Variants in SYT1 observed in about 807,000 individuals in gnomAD.
SYT1 encodes synaptotagmin-1.
In SYT1, 8 loss-of-function variants were observed where a neutral mutation model predicts 44.8. The ratio of observed to expected loss-of-function variants is 0.18; its 90% CI spans 0.10 to 0.32. SYT1 has a LOEUF of 0.32. Among genes scored for constraint, SYT1 ranks in the 10% least tolerant of loss-of-function variants. SYT1 has a pLI of 1.00. For synonymous variants in SYT1, 154 were observed against 188.8 expected (o/e 0.82, Z 1.51); for missense variants, 286 against 509.3 (o/e 0.56, Z 4.22).
chr12:78,998,773 A>G (rs922767156), intron 2 of SYT1, among the ~76,000 whole-genome samples: 8 of 152,122 alleles, frequency 5.3e-5, no homozygotes, highest in African/African-American at 1.9e-4. Flanking sequence ...TCCTCATGGG[A>G]TCATTCTTAA....
chr12:79,405,626 C>G (rs938842969), intron 9 of SYT1, among the ~76,000 whole-genome samples: 1 of 152,138 alleles, frequency 6.6e-6, no homozygotes, highest in Non-Finnish European at 1.5e-5. Context: ...CAGTTAAGAA[C>G]ACATTGGGCT....
chr12:79,066,254 C>T (rs1359047834), intron 3 of SYT1, among the ~76,000 whole-genome samples: 2 of 152,068 alleles, frequency 1.3e-5, no homozygotes, highest in East Asian at 3.9e-4. Flanking sequence ...GGGTAAACAC[C>T]ACATAGGATA....
Position 79,349,045 on chromosome 12 carries a change from G to GAA in SYT1, c.811-4455_811-4454dup, listed in dbSNP as rs1555219975. Among the ~76,000 whole-genome samples the GAA allele has an allele frequency of 2.3e-3, 263 of 115,828 alleles. 1 individual carries two copies. The highest frequency in any genetic ancestry group is 7.4e-3 in the African/African-American group (223 of 30,202). The allele number at this position is 115,828 out of a possible 152,430, so 76.0% of individuals were successfully genotyped here. A position where few individuals can be genotyped will look rare whatever the true frequency, so the allele number is the denominator to read the frequency against. ...AAAGAAAGAAAGAAAAAGAAAGAAA[G>GAA]AAAGAAAGAAAGGAGGGAGGGAGGG... On this transcript the variant is annotated intron_variant, in intron 8 of 10. Coordinates refer to ENST00000261205, the MANE Select transcript of SYT1 (RefSeq NM_005639.3).
At chr12:78,947,256 T>C (rs1188968768) in intron 1 of SYT1, among the ~76,000 whole-genome samples, 2 of 152,156 alleles carry the variant, frequency 1.3e-5, no homozygotes, top group East Asian at 1.9e-4. Flanking sequence ...TTGGCAAATA[T>C]ACCAAATGAT....
At chr12:79,061,184 C>T (rs1875356260) in intron 3 of SYT1, among the ~76,000 whole-genome samples, 1 of 152,052 alleles carries the variant, frequency 6.6e-6, no homozygotes, top group Non-Finnish European at 1.5e-5. Flanking sequence ...TATTCTTGTT[C>T]AAGAATTGGT....
At chr12:79,431,494 G>GTTTAT (rs1267716137) in intron 9 of SYT1, among the ~76,000 whole-genome samples, 29 of 148,606 alleles carry the variant, frequency 2.0e-4, no homozygotes, top group African/African-American at 6.9e-4. Flanking sequence ...TAAAGCCATA[G>GTTTAT]TTTATTTTAT....
intron 1 of SYT1, among the ~76,000 whole-genome samples, chr12:78,883,058 CTTA>C (rs1452978144): frequency 6.6e-6 from 1 of 151,508 alleles, no homozygotes; most frequent in Non-Finnish European, 1.5e-5. Flanking sequence ...AAAAAAATAT[CTTA>C]TTACTTGATT....
At chr12:78,870,176 GACA>G (rs1873745609) in intron 1 of SYT1, among the ~76,000 whole-genome samples, 1 of 151,946 alleles carries the variant, frequency 6.6e-6, no homozygotes, top group African/African-American at 2.4e-5. Context: ...AGCCCTGTTG[GACA>G]ACATTTCATC....
intron 1 of SYT1, among the ~76,000 whole-genome samples, chr12:78,881,936 A>C (rs766506193): frequency 7.9e-5 from 12 of 151,246 alleles, no homozygotes; most frequent in Non-Finnish European, 1.5e-4. Flanking sequence ...CTGATCTCTC[A>C]ATGACAATTT....
chr12:79,446,033 A>ATATATG (rs1870716043), intron 10 of SYT1, among the ~76,000 whole-genome samples: 2 of 112,940 alleles, frequency 1.8e-5, no homozygotes, highest in Non-Finnish European at 3.6e-5. Context: ...ATATATATAT[A>ATATATG]TTATGCCTAG....
chr12:79,126,293 G>A (rs58606742), intron 3 of SYT1, among the ~76,000 whole-genome samples: 5 of 152,272 alleles, frequency 3.3e-5, no homozygotes, highest in Admixed American at 2.0e-4. Flanking sequence ...ACGGAGTCTC[G>A]CTCTGTTGCC....
chr12:79,275,031 G>C lies in SYT1; in HGVS notation c.167-10756G>C, dbSNP rs572794046. On this transcript the variant is annotated intron_variant, in intron 4 of 10. Transcript: ENST00000261205. ...TTGTGGCAGCCCCACCAGGTGGCTA[G>C]ATCCAGAGGAGCAGGAGAATTCACA... 2.6e-5 allele frequency among the ~76,000 whole-genome samples: 4 copies of C among 152,296 alleles called. No individual in the cohort carries two copies. In the East Asian group the frequency reaches 7.8e-4, roughly 30 times the overall value.
chr12:79,303,347 T>C (rs774944567), intron 8 of SYT1, among the ~76,000 whole-genome samples: 16 of 152,124 alleles, frequency 1.1e-4, no homozygotes, highest in Non-Finnish European at 1.8e-4. Context: ...CTTCTACTGA[T>C]ATTTGTTATC....
intron 3 of SYT1, among the ~76,000 whole-genome samples, chr12:79,074,715 A>T (rs1359973260): frequency 8.5e-5 from 13 of 152,080 alleles, no homozygotes. Context: ...ATGCTTCTTG[A>T]CACAGGCCAA....
intron 1 of SYT1, among the ~76,000 whole-genome samples, chr12:78,965,070 A>G (rs1168967750): frequency 1.3e-5 from 2 of 152,138 alleles, no homozygotes; most frequent in Non-Finnish European, 2.9e-5. Context: ...CAATCTGACA[A>G]TGAGAAATTA....
At chr12:79,324,428 G>A (rs992352381) in intron 8 of SYT1, among the ~76,000 whole-genome samples, 5 of 152,006 alleles carry the variant, frequency 3.3e-5, no homozygotes, top group South Asian at 2.1e-4. Context: ...ACATGACCCC[G>A]CCTTCATTCC....
At chr12:79,276,965 G>A (rs1472663004) in intron 4 of SYT1, among the ~76,000 whole-genome samples, 1 of 138,696 alleles carries the variant, frequency 7.2e-6, no homozygotes, top group South Asian at 2.1e-4. Context: ...GGAGGAGGAG[G>A]AGGAGGAAGA....
At chr12:79,421,657 C>T (rs1869124982) in intron 9 of SYT1, among the ~76,000 whole-genome samples, 1 of 151,252 alleles carries the variant, frequency 6.6e-6, no homozygotes, top group Non-Finnish European at 1.5e-5. Flanking sequence ...CATTTGAAGC[C>T]AGTCTAATTT....
chr12:79,085,511 C>A (rs764861774), intron 3 of SYT1, among the ~76,000 whole-genome samples: 15 of 152,128 alleles, frequency 9.9e-5, no homozygotes, highest in Non-Finnish European at 1.9e-4. Context: ...CCAGTGCTCA[C>A]AGTGGAGGCC....
Sources: allele counts gnomAD v4.1 joint callset (sites outside exome capture counted in the v4.1 genomes callset), GRCh38; gene constraint gnomAD v4.1.1; transcripts MANE v1.5; gene names NCBI Gene and HGNC (gene_info 2026-07-23, HGNC 2026-07-21).